Variants in TEX11 observed in about 807,000 individuals in gnomAD.
TEX11 encodes the protein testis-expressed protein 11.
TEX11 carries 7 observed loss-of-function variants against 84.4 expected under a neutral mutation model. That is an observed-to-expected ratio of 0.08 (90% confidence interval 0.05 to 0.16). TEX11 has a LOEUF of 0.16. Ranked by LOEUF, TEX11 falls within the 10% of genes least tolerant of loss-of-function variation. The pLI, the probability that TEX11 is intolerant of heterozygous loss-of-function variation, is 1.00. For missense variants in TEX11, 551 were observed against 660.5 expected, an observed-to-expected ratio of 0.83 and a Z score of 1.82; for synonymous variants, 264 against 222.8, an observed-to-expected ratio of 1.18 and a Z score of -1.64.
At chrX:70,599,824 C>T (rs1408213123) in intron 24 of TEX11, among the ~76,000 whole-genome samples, 1 of 107,637 alleles carries the variant, frequency 9.3e-6, no homozygotes, top group Non-Finnish European at 1.9e-5. Flanking sequence ...CCAATTTCAT[C>T]CATGTCCCTA....
chrX:70,771,687 A>C (rs2090973004), intron 9 of TEX11, among the ~76,000 whole-genome samples: 1 of 112,478 alleles, frequency 8.9e-6, no homozygotes, highest in Non-Finnish European at 1.9e-5. Context: ...TTTTTTAATA[A>C]GCAAAGAAGT....
At chrX:70,780,306 C>T (rs1397063796) in intron 9 of TEX11, among the ~76,000 whole-genome samples, 1 of 112,427 alleles carries the variant, frequency 8.9e-6, no homozygotes, top group East Asian at 2.8e-4. Context: ...ACAAGAAAAA[C>T]ATTTATAAAA....
At chrX:70,707,243 A>G (rs1340241773) in intron 13 of TEX11, among the ~76,000 whole-genome samples, 2 of 110,872 alleles carry the variant, frequency 1.8e-5, no homozygotes, top group Admixed American at 9.7e-5. Context: ...CTGAATTCCT[A>G]TACCAATTTG....
chrX:70,570,612 T>C (rs753744981), intron 25 of TEX11, among the ~76,000 whole-genome samples: 1 of 112,428 alleles, frequency 8.9e-6, no homozygotes, highest in East Asian at 2.8e-4. Flanking sequence ...GTAAAGCCAT[T>C]TCCTTTGTGA....
chrX:70,819,482 T>C (rs1168939119), intron 8 of TEX11, among the ~76,000 whole-genome samples: 1 of 111,029 alleles, frequency 9.0e-6, no homozygotes, highest in Non-Finnish European at 1.9e-5. Context: ...AACATCATAA[T>C]TGATGGGAAA....
chrX:70,665,799 C>T (rs2089971273), intron 16 of TEX11, among the ~76,000 whole-genome samples: 2 of 111,606 alleles, frequency 1.8e-5, no homozygotes, highest in Non-Finnish European at 3.8e-5. Flanking sequence ...CGTTCTCACC[C>T]TCAAAAGAGA....
intron 9 of TEX11, among the ~76,000 whole-genome samples, chrX:70,755,191 T>G (rs6625669): frequency 8.9e-6 from 1 of 112,141 alleles, no homozygotes; most frequent in East Asian, 2.8e-4. Flanking sequence ...GAATTGAAAA[T>G]AGCTGTTTTG....
At chrX:70,515,562 A>G in the TEX11 span, among the ~76,000 whole-genome samples, 1 of 112,225 alleles carries the variant, frequency 8.9e-6, no homozygotes, top group Non-Finnish European at 1.9e-5. Flanking sequence ...CCTATTGTGA[A>G]TAGTGCTGCA....
intron 9 of TEX11, among the ~76,000 whole-genome samples, chrX:70,772,922 A>G (rs999119250): frequency 9.0e-6 from 1 of 110,778 alleles, no homozygotes; most frequent in Non-Finnish European, 1.9e-5. Context: ...AAGACAGGCC[A>G]TTTGAAATTA....
At chrX:70,617,396 A>G (rs1413373595) in intron 20 of TEX11, among the ~76,000 whole-genome samples, 1 of 106,682 alleles carries the variant, frequency 9.4e-6, no homozygotes, top group Non-Finnish European at 1.9e-5. Context: ...ATTATATATA[A>G]TACATATACA....
At chrX:70,898,613 T>G (rs1360390215) in intron 2 of TEX11, among the ~76,000 whole-genome samples, 92 of 108,497 alleles carry the variant, frequency 8.5e-4, no homozygotes, top group African/African-American at 3.0e-3. Flanking sequence ...CTGTATTTTT[T>G]TTTTTTTTTT....
intron 24 of TEX11, among the ~76,000 whole-genome samples, chrX:70,601,604 T>C (rs1338881605): frequency 2.2e-5 from 2 of 91,175 alleles, no homozygotes; most frequent in African/African-American, 4.1e-5. Context: ...GGCAGGGTCA[T>C]AGGACAATAG....
Position 70,806,614 on chromosome X carries a change from G to A in TEX11, c.692+91C>T, listed in dbSNP as rs369011961. The A allele has an allele frequency of 4.6e-4, 262 of 573,491 alleles. 2 individuals are homozygous for A. In the South Asian group the frequency reaches 6.9e-3, roughly 15 times the overall value. 47.3% of individuals were successfully genotyped at this position (573,491 alleles called of 1,213,427 possible). On this transcript the variant is annotated intron_variant, in intron 9 of 29. Coordinates refer to ENST00000374333, the MANE Select transcript of TEX11 (RefSeq NM_031276.3). ...CATGTTGGCTTCTGAAGTCAGAGAA[G>A]GTTTAAACTGCCAAAGTACTCTACA... is the stretch of plus-strand genomic sequence containing the variant.
intron 13 of TEX11, among the ~76,000 whole-genome samples, chrX:70,702,211 G>C (rs181570548): frequency 2.7e-5 from 3 of 111,412 alleles, no homozygotes; most frequent in African/African-American, 9.8e-5. Flanking sequence ...AATCAATGTG[G>C]TAAACTTCAC....
At chrX:70,554,005 G>C (rs2088253936) in intron 26 of TEX11, among the ~76,000 whole-genome samples, 1 of 111,202 alleles carries the variant, frequency 9.0e-6, no homozygotes, top group African/African-American at 3.3e-5. Flanking sequence ...CAAGACCAAG[G>C]AAAGGCAAAT....
At chrX:70,612,679 T>C (rs1464161462) in intron 20 of TEX11, among the ~76,000 whole-genome samples, 1 of 111,089 alleles carries the variant, frequency 9.0e-6, no homozygotes, top group Non-Finnish European at 1.9e-5. Flanking sequence ...ATCCAAGGAC[T>C]GTGAGACAAC....
At chrX:70,570,138 C>G (rs769497940) in intron 25 of TEX11, among the ~76,000 whole-genome samples, 3 of 111,791 alleles carry the variant, frequency 2.7e-5, no homozygotes, top group African/African-American at 6.5e-5. Context: ...GCCTCGCTGC[C>G]GCCTTGCAGT....
intron 7 of TEX11, 28 bp from the exon 8 acceptor site, chrX:70,833,621 T>C (rs771943578): frequency 9.1e-7 from 1 of 1,103,572 alleles, no homozygotes; most frequent in Non-Finnish European, 1.2e-6. Flanking sequence ...TGTCAATAAT[T>C]GGTTAAAATG....
At chrX:70,874,215 C>T (rs1314373058) in intron 3 of TEX11, among the ~76,000 whole-genome samples, 1 of 110,237 alleles carries the variant, frequency 9.1e-6, no homozygotes, top group Non-Finnish European at 1.9e-5. Flanking sequence ...TCTGCAGAAC[C>T]ATGAGCCAAA....
Sources: allele counts gnomAD v4.1 joint callset (sites outside exome capture counted in the v4.1 genomes callset), GRCh38; gene constraint gnomAD v4.1.1; transcripts MANE v1.5; gene names NCBI Gene and HGNC (gene_info 2026-07-23, HGNC 2026-07-21).